The following GLG1 variants were observed in gnomAD, a reference collection of about 807,000 sequenced individuals.
The protein encoded by GLG1 is Golgi apparatus protein 1.
A neutral mutation model predicts 160.5 loss-of-function variants in GLG1; 38 were observed. The observed-to-expected ratio is 0.24, with a 90% CI of 0.18 to 0.31. The LOEUF is 0.31. GLG1 is among the 10% of genes least tolerant of loss of function. The pLI, the probability that GLG1 is intolerant of heterozygous loss-of-function variation, is 1.00. For missense variants in GLG1, 1,373 were observed against 1,505.2 expected, an observed-to-expected ratio of 0.91 and a Z score of 1.45; for synonymous variants, 644 against 543.4, an observed-to-expected ratio of 1.19 and a Z score of -2.57.
rs1026676930 is a variant in GLG1, at chr16:74,452,659, G to C, written c.*508C>G. The C allele has an allele frequency of 6.0e-6, 6 of 996,146 alleles. No homozygotes were observed. The highest frequency in any genetic ancestry group is 7.2e-6 in the Non-Finnish European group (6 of 835,912). The allele number at this position is 996,146 out of a possible 1,614,324, so 61.7% of individuals were successfully genotyped here. A position where few individuals can be genotyped will look rare whatever the true frequency, so the allele number is the denominator to read the frequency against. On this transcript the variant is annotated 3_prime_UTR_variant, in exon 26 of 26. Transcript: ENST00000422840. ...CCCAAGGTGCTTCTGAGAGATGAAC[G>C]AGACACCTCAGTCATGGCACACTGG...
intron 18 of GLG1, among the ~76,000 whole-genome samples, chr16:74,467,504 A>C (rs144718552): frequency 6.6e-6 from 1 of 152,288 alleles, no homozygotes; most frequent in Non-Finnish European, 1.5e-5. Flanking sequence ...TAGGCAGACA[A>C]GGTAGGGAAG....
At chr16:74,602,885 C>T (rs548425781) in intron 1 of GLG1, among the ~76,000 whole-genome samples, 22 of 151,762 alleles carry the variant, frequency 1.4e-4, no homozygotes, top group Admixed American at 3.9e-4. Context: ...CTATGGGGCA[C>T]GCACAATGGC....
chr16:74,481,875 C>A (rs960020757), intron 10 of GLG1, among the ~76,000 whole-genome samples: 14 of 152,280 alleles, frequency 9.2e-5, no homozygotes, highest in Non-Finnish European at 1.8e-4. Flanking sequence ...ACCTCCGCCT[C>A]CCGGGTTTTA....
intron 1 of GLG1, among the ~76,000 whole-genome samples, chr16:74,580,310 C>G (rs143657035): frequency 6.6e-6 from 1 of 151,558 alleles, no homozygotes; most frequent in Admixed American, 6.6e-5. Context: ...ATGGCACAAC[C>G]CCCATCTCTA....
intron 2 of GLG1, among the ~76,000 whole-genome samples, chr16:74,521,426 T>A (rs2017159696): frequency 6.6e-6 from 1 of 152,140 alleles, no homozygotes; most frequent in Non-Finnish European, 1.5e-5. Flanking sequence ...TGATGACTTG[T>A]ATCAGGGCAA....
rs749898376 is a variant in GLG1 at position 74,450,058 on chromosome 16, C to T, written c.*3109G>A. On this transcript the variant is annotated 3_prime_UTR_variant, in exon 26 of 26. Coordinates refer to ENST00000422840, the MANE Select transcript of GLG1 (RefSeq NM_001145667.2). ...TCCAGGTACCTCTAGAGGGCTGTGG[C>T]GCACACTATGCATAAGTCACAGGGA... is the stretch of plus-strand genomic sequence containing the variant. 1 of 152,250 alleles carries T rather than the reference C, an allele frequency of 6.6e-6. No homozygotes were observed. Among genetic ancestry groups the T allele is most frequent in the Admixed American group, 6.5e-5 (1 of 15,276 alleles). The allele number at this position is 152,250 out of a possible 1,614,324, so 9.4% of individuals were successfully genotyped here.
intron 1 of GLG1, among the ~76,000 whole-genome samples, chr16:74,579,437 CT>C (rs1957887968): frequency 6.6e-6 from 1 of 151,752 alleles, no homozygotes; most frequent in Non-Finnish European, 1.5e-5. Flanking sequence ...ACAAAAAACC[CT>C]TGGCCAGGCG....
At chr16:74,542,744 A>AGGAAGGAAGGAAGGAAGGAAG (rs2017920218) in intron 1 of GLG1, among the ~76,000 whole-genome samples, 2 of 12,858 alleles carry the variant, frequency 1.6e-4, no homozygotes, top group African/African-American at 5.2e-4. Flanking sequence ...GGAGGAAGGA[A>AGGAAGGAAGGAAGGAAGGAAG]GGAAGGAAGG....
In GLG1 at chr16:74,452,681, C is replaced by T; in HGVS notation, c.*486G>A. ...AACGAGACACCTCAGTCATGGCACA[C>T]TGGGTGGTGTGCTTCCCCTCCAAGT... is the stretch of plus-strand genomic sequence containing the variant. On this transcript the variant is annotated 3_prime_UTR_variant, in exon 26 of 26. Transcript: ENST00000422840. 1 of 994,634 alleles carries T rather than the reference C, an allele frequency of 1.0e-6. No homozygotes were observed. The highest frequency in any genetic ancestry group is 1.2e-6 in the Non-Finnish European group (1 of 835,198). 61.6% of individuals were successfully genotyped at this position (994,634 alleles called of 1,614,324 possible).
chr16:74,519,573 AAAAG>A (rs2017095146), intron 2 of GLG1, among the ~76,000 whole-genome samples: 1 of 151,510 alleles, frequency 6.6e-6, no homozygotes, highest in South Asian at 2.1e-4. Flanking sequence ...TTGAAAAAAA[AAAAG>A]AAAATTTAGT....
intron 1 of GLG1, among the ~76,000 whole-genome samples, chr16:74,588,289 TA>T (rs916522238): frequency 1.5e-4 from 23 of 151,892 alleles, no homozygotes; most frequent in Non-Finnish European, 2.2e-4. Flanking sequence ...CATAAAAATA[TA>T]AAAAAAATAG....
At chr16:74,495,090 G>C (rs2016136951) in intron 5 of GLG1, among the ~76,000 whole-genome samples, 1 of 146,574 alleles carries the variant, frequency 6.8e-6, no homozygotes, top group Admixed American at 6.9e-5. Context: ...ACCAAGAGAA[G>C]TGTTAGAGTC....
intron 8 of GLG1, 31 bp from the exon 9 acceptor site, chr16:74,485,948 G>C (rs1489335118): frequency 6.3e-7 from 1 of 1,594,388 alleles, no homozygotes; most frequent in Non-Finnish European, 8.6e-7. Context: ...AAGGAAGAAA[G>C]AAAGTCACTT....
intron 18 of GLG1, among the ~76,000 whole-genome samples, chr16:74,466,447 G>A (rs992439546): frequency 1.7e-4 from 26 of 152,212 alleles, no homozygotes; most frequent in Non-Finnish European, 3.7e-4. Context: ...AAGAAGGAAA[G>A]CAGATGGGAA....
At position 74,606,638 on chromosome 16, in the gene GLG1, C is replaced by A; in HGVS notation, c.438+19G>T. On this transcript the variant is annotated intron_variant, in intron 1 of 25. Transcript: ENST00000422840. ...CCCGCACCAGGCCTGGCCCTCCCGGCTTCGTCCCACCTCCTCACCTCCCTC... is the reference window on the plus strand; with the variant it reads ...CCCGCACCAGGCCTGGCCCTCCCGGATTCGTCCCACCTCCTCACCTCCCTC... The A allele has an allele frequency of 6.5e-7, 1 of 1,535,822 alleles. No homozygotes were observed. Among genetic ancestry groups the A allele is most frequent in the South Asian group, 1.3e-5 (1 of 79,686 alleles).
rs1434853710 is a variant in GLG1 at position 74,503,401 on chromosome 16, T to G, written c.774+130A>C. On this transcript the variant is annotated intron_variant, in intron 4 of 25. Transcript: ENST00000422840. ...CAACCAGCCTTAGCTCTTAGGGCTG[T>G]CTGGACAAGTTTCTTCAATTTCAAC... 7.3e-6 allele frequency: 5 copies of G among 681,370 alleles called. No individual in the cohort carries two copies. The African/African-American group carries it at 9.0e-5, about 12-fold the overall frequency. 42.2% of individuals were successfully genotyped at this position (681,370 alleles called of 1,614,324 possible).
Position 74,606,973 on chromosome 16 carries a change from C to A in GLG1, c.122G>T (p.Gly41Val), listed in dbSNP as rs112807846. The change falls in exon 1 of 26, where the codon GGT becomes GTT. Residue 41 changes from glycine (G) to valine (V), a missense_variant. By Grantham distance (109) the Gly-to-Val change is moderately radical. This residue lies in a region of GLG1 where 322 missense variants were observed against 254.6 expected (regional missense o/e 1.26). Coordinates refer to ENST00000422840, the MANE Select transcript of GLG1 (RefSeq NM_001145667.2). ...PGQGVHSQGQ[G>V]PGANFVSFVG... is the part of the protein sequence containing the mutation. ...GAAGGACACAAAGTTGGCCCCGGGA[C>A]CCTGGCCCTGGCTGTGGACGCCCTG... 6.8e-6 allele frequency: 11 copies of A among 1,608,036 alleles called. No individual in the cohort carries two copies. In the African/African-American group the frequency reaches 8.0e-5, roughly 12 times the overall value.
At chr16:74,601,843 C>T (rs1197728279) in intron 1 of GLG1, among the ~76,000 whole-genome samples, 2 of 152,274 alleles carry the variant, frequency 1.3e-5, no homozygotes, top group East Asian at 3.9e-4. Flanking sequence ...TAGCTACAAC[C>T]ACCCATGGTA....
At chr16:74,473,241 T>G (rs552908322) in intron 13 of GLG1, among the ~76,000 whole-genome samples, 1 of 151,726 alleles carries the variant, frequency 6.6e-6, no homozygotes, top group Non-Finnish European at 1.5e-5. Context: ...TGAGACGGAG[T>G]CTGGCTCTGT....
Sources: allele counts gnomAD v4.1 joint callset (sites outside exome capture counted in the v4.1 genomes callset), GRCh38; gene constraint gnomAD v4.1.1; regional missense constraint gnomAD v4.1.1; transcripts MANE v1.5; gene names NCBI Gene and HGNC (gene_info 2026-07-23, HGNC 2026-07-21).